TET3: variants seen among roughly 807,000 people sequenced by gnomAD.
The protein encoded by TET3 is methylcytosine dioxygenase TET3.
In TET3, 19 loss-of-function variants were observed where a neutral mutation model predicts 141.4. The observed-to-expected ratio is 0.13, with a 90% CI of 0.09 to 0.20. The LOEUF is 0.20. Among genes scored for constraint, TET3 ranks in the 10% least tolerant of loss-of-function variants. The probability of loss-of-function intolerance (pLI) is 1.00; values close to 1 mark genes in which losing one functional copy is unlikely to be tolerated. For synonymous variants in TET3, 1,043 were observed against 980.9 expected (o/e 1.06, Z -1.18); for missense variants, 1,874 against 2,356.9 (o/e 0.80, Z 4.24).
At chr2:74,061,007 C>G (rs1688488868) in intron 4 of TET3, among the ~76,000 whole-genome samples, 1 of 152,160 alleles carries the variant, frequency 6.6e-6, no homozygotes, top group African/African-American at 2.4e-5. Context: ...GTCATCATGG[C>G]CCGTTCTCAA....
At chr2:74,067,996 G>T (rs1456727504) in intron 4 of TET3, among the ~76,000 whole-genome samples, 2 of 152,114 alleles carry the variant, frequency 1.3e-5, no homozygotes, top group Non-Finnish European at 2.9e-5. Flanking sequence ...GGTGGTATTG[G>T]GTAGGATGAC....
At chr2:74,073,436 T>G in intron 4 of TET3, 113 bp from the exon 5 acceptor site, 1 of 666,478 alleles carries the variant, frequency 1.5e-6, no homozygotes, top group Non-Finnish European at 2.5e-6. Context: ...ATAAGCCATG[T>G]GGGTTTCCTG....
intron 5 of TET3, among the ~76,000 whole-genome samples, chr2:74,074,789 GTAGA>G (rs1213187377): frequency 6.6e-6 from 1 of 152,244 alleles, no homozygotes; most frequent in Non-Finnish European, 1.5e-5. Flanking sequence ...TATGGAAAAG[GTAGA>G]TAGTCATTAA....
chr2:74,113,553 ACT>A, the TET3 span, among the ~76,000 whole-genome samples: 2 of 151,966 alleles, frequency 1.3e-5, no homozygotes, highest in Non-Finnish European at 2.9e-5. Flanking sequence ...AAACCTAAAG[ACT>A]CTACCAAAGA....
chr2:74,126,564 G>A, the TET3 span, among the ~76,000 whole-genome samples: 1 of 146,354 alleles, frequency 6.8e-6, no homozygotes, highest in Non-Finnish European at 1.5e-5. Context: ...GTGCAGTGGT[G>A]CATCTCTGCT....
chr2:74,105,044 C>A lies in TET3; in HGVS notation c.*2868C>A, dbSNP rs1572913272. On this transcript the variant is annotated 3_prime_UTR_variant, in exon 12 of 12. Coordinates refer to ENST00000409262, the MANE Select transcript of TET3 (RefSeq NM_001287491.2). ...AAGTAACTATGCACAGCTCTTTATC[C>A]CCCCCTTGCTGCTGAAGCTTTCTTA... 3 of 397,518 alleles carry A rather than the reference C, an allele frequency of 7.5e-6. No homozygotes were observed. The highest frequency in any genetic ancestry group is 3.6e-5 in the East Asian group (1 of 28,078). 24.6% of individuals were successfully genotyped at this position (397,518 alleles called of 1,614,324 possible).
intron 3 of TET3, among the ~76,000 whole-genome samples, chr2:74,013,959 T>C (rs1192882895): frequency 6.6e-6 from 1 of 152,194 alleles, no homozygotes; most frequent in Non-Finnish European, 1.5e-5. Flanking sequence ...TTTATTAACA[T>C]AATATGTCTA....
In TET3 at chr2:74,107,263, T is replaced by C. The variant is rs1233615960; in HGVS notation, c.*5087T>C. Reference sequence around the variant, plus strand: ...GCAGGCAAGAGCAGAGCAATAGGCTTCTCCCCTGAGCAGAGACCGCAGCAC... The same window carrying C: ...GCAGGCAAGAGCAGAGCAATAGGCTCCTCCCCTGAGCAGAGACCGCAGCAC... On this transcript the variant is annotated 3_prime_UTR_variant, in exon 12 of 12. Coordinates refer to ENST00000409262, the MANE Select transcript of TET3 (RefSeq NM_001287491.2). 6.6e-6 allele frequency: 1 copy of C among 152,184 alleles called. No individual in the cohort carries two copies. Among genetic ancestry groups the C allele is most frequent in the Non-Finnish European group, 1.5e-5 (1 of 68,044 alleles). 9.4% of individuals were successfully genotyped at this position (152,184 alleles called of 1,614,324 possible). A position where few individuals can be genotyped will look rare whatever the true frequency, so the allele number is the denominator to read the frequency against.
Position 74,047,640 on chromosome 2 carries a change from C to A in TET3, c.1723C>A (p.Pro575Thr), listed in dbSNP as rs749720406. Reference protein sequence around the residue: ...SPVPRLPDRPPKEKKKKLPTP... With the variant: ...SPVPRLPDRPTKEKKKKLPTP... ...TGTCCCACGGCTTCCAGACAGACCACCCAAGGAGAAGAAGAAGAAGCTCCC... is the reference window on the plus strand; with the variant it reads ...TGTCCCACGGCTTCCAGACAGACCAACCAAGGAGAAGAAGAAGAAGCTCCC... The change falls in exon 4 of 12, where the codon CCC becomes ACC. Residue 575 changes from proline to threonine, a missense_variant. This residue lies in a region of TET3 where 484 missense variants were observed against 462.2 expected (regional missense o/e 1.05). Transcript: ENST00000409262. 47 of 1,613,498 alleles carry A rather than the reference C, an allele frequency of 2.9e-5. No individual in the cohort carries two copies. Among genetic ancestry groups the A allele is most frequent in the Admixed American group, 2.0e-4 (12 of 59,930 alleles).
At chr2:74,077,972 C>T (rs1031201152) in intron 5 of TET3, among the ~76,000 whole-genome samples, 1 of 152,210 alleles carries the variant, frequency 6.6e-6, no homozygotes, top group African/African-American at 2.4e-5. Flanking sequence ...TGATCTTTTC[C>T]TCTTCATCCA....
chr2:74,066,565 T>C (rs1001367980), intron 4 of TET3, among the ~76,000 whole-genome samples: 2 of 150,812 alleles, frequency 1.3e-5, no homozygotes, highest in Admixed American at 1.3e-4. Context: ...TCTTTTCCCT[T>C]ATACTCAGGA....
intron 3 of TET3, among the ~76,000 whole-genome samples, chr2:74,033,967 G>T (rs1686890419): frequency 6.6e-6 from 1 of 152,188 alleles, no homozygotes; most frequent in South Asian, 2.1e-4. Context: ...ATAGTGGTGG[G>T]CACCTGTAAT....
intron 3 of TET3, among the ~76,000 whole-genome samples, chr2:74,015,243 C>T (rs2105213545): frequency 6.6e-6 from 1 of 152,260 alleles, no homozygotes; most frequent in East Asian, 1.9e-4. Context: ...AAAGGATGGA[C>T]TTTTGAGTTC....
At chr2:74,130,094 CAA>C in the TET3 span, among the ~76,000 whole-genome samples, 182 of 126,622 alleles carry the variant, frequency 1.4e-3, no homozygotes, top group African/African-American at 3.0e-3. Context: ...GAGTCTGTCT[CAA>C]AAAAAAAAAA....
At chr2:74,030,372 G>T (rs78818018) in intron 3 of TET3, among the ~76,000 whole-genome samples, 2,794 of 152,174 alleles carry the variant, frequency 0.018, 89 homozygotes, top group African/African-American at 0.062. Context: ...TTTCCTTAGT[G>T]TTTATAATTG....
chr2:74,088,829 G>A (rs116425721), intron 7 of TET3, among the ~76,000 whole-genome samples: 2,775 of 151,530 alleles, frequency 0.018, 89 homozygotes, highest in African/African-American at 0.062. Context: ...GCCTGTGGTC[G>A]CAGCACTTTG....
At position 74,102,726 on chromosome 2, in the gene TET3, C is replaced by A. The variant is rs890958247; in HGVS notation, c.*550C>A. The A allele has an allele frequency of 2.6e-5, 4 of 152,178 alleles. No homozygotes were observed. Among genetic ancestry groups the A allele is most frequent in the Non-Finnish European group, 5.9e-5 (4 of 68,042 alleles). 9.4% of individuals were successfully genotyped at this position (152,178 alleles called of 1,614,324 possible). A position where few individuals can be genotyped will look rare whatever the true frequency, so the allele number is the denominator to read the frequency against. ...GCTGGCGAGGTCCTCAGCCATCTGCCCCTCGAGAGCCAAGCGCGGACGGTA... is the reference window on the plus strand; with the variant it reads ...GCTGGCGAGGTCCTCAGCCATCTGCACCTCGAGAGCCAAGCGCGGACGGTA... On this transcript the variant is annotated 3_prime_UTR_variant, in exon 12 of 12. Transcript: ENST00000409262.
chr2:74,085,616 T>G (rs60279245), intron 6 of TET3, among the ~76,000 whole-genome samples: 60,295 of 152,162 alleles, frequency 0.4, 15,015 homozygotes, highest in African/African-American at 0.71. Flanking sequence ...CACAACCTAG[T>G]TCTCTCACAT....
intron 2 of TET3, 88 bp from the exon 3 acceptor site, chr2:74,003,022 T>A: frequency 1.4e-6 from 2 of 1,462,404 alleles, no homozygotes; most frequent in Non-Finnish European, 1.9e-6. Context: ...CTTCTTCCCC[T>A]CCGGCCGGGC....
Sources: allele counts gnomAD v4.1 joint callset (sites outside exome capture counted in the v4.1 genomes callset), GRCh38; gene constraint gnomAD v4.1.1; regional missense constraint gnomAD v4.1.1; transcripts MANE v1.5; gene names NCBI Gene and HGNC (gene_info 2026-07-23, HGNC 2026-07-21).